The following PDE10A variants were observed in gnomAD, a reference collection of about 807,000 sequenced individuals.
PDE10A encodes the protein phosphodiesterase 10A.
Under a neutral mutation model 97.7 loss-of-function variants are expected in PDE10A, and 39 were observed. The ratio of observed to expected loss-of-function variants is 0.40; its 90% CI spans 0.31 to 0.52. The LOEUF is 0.52. PDE10A is among the 20% of genes least tolerant of loss of function. The pLI is 0.56. For missense variants in PDE10A, 731 were observed against 1,047.8 expected, an observed-to-expected ratio of 0.70 and a Z score of 4.17; for synonymous variants, 371 against 376.8, an observed-to-expected ratio of 0.98 and a Z score of 0.18.
At chr6:165,943,344 A>AG (rs368837759) in intron 1 of PDE10A, among the ~76,000 whole-genome samples, 2,155 of 53,748 alleles carry the variant, frequency 0.04, 300 homozygotes, top group South Asian at 0.09. Flanking sequence ...AAAGAAAGAA[A>AG]AGAGAAAGAA....
chr6:165,917,750 A>G (rs1782647116), intron 1 of PDE10A, among the ~76,000 whole-genome samples: 2 of 152,130 alleles, frequency 1.3e-5, no homozygotes, highest in Admixed American at 1.3e-4. Flanking sequence ...GGCTTTCCCC[A>G]ACGCCCCCTG....
chr6:165,361,257 T>C lies in PDE10A; in HGVS notation c.2784-17755A>G, dbSNP rs539952607. Among the ~76,000 whole-genome samples, 39 of 152,290 alleles carry C rather than the reference T, an allele frequency of 2.6e-4. No individual in the cohort carries two copies. The South Asian group carries it at 8.1e-3, about 32-fold the overall frequency. ...ACCAAACACCACAGAATATATATTC[T>C]TTTTGAGTACAGATGGAACATCCCC... On this transcript the variant is annotated intron_variant, in intron 18 of 21. Transcript: ENST00000539869.
At chr6:165,942,661 G>T (rs981269483) in intron 1 of PDE10A, among the ~76,000 whole-genome samples, 1 of 152,070 alleles carries the variant, frequency 6.6e-6, no homozygotes, top group Non-Finnish European at 1.5e-5. Context: ...AATCCCACTG[G>T]ACCTCTTCTT....
chr6:165,933,988 CTTTTT>C (rs35582422), intron 1 of PDE10A, among the ~76,000 whole-genome samples: 1 of 140,286 alleles, frequency 7.1e-6, no homozygotes, highest in African/African-American at 2.6e-5. Context: ...CATCAATTCC[CTTTTT>C]TTTTTTTTTT....
intron 1 of PDE10A, among the ~76,000 whole-genome samples, chr6:165,627,051 T>C (rs1213270129): frequency 6.6e-6 from 1 of 152,252 alleles, no homozygotes; most frequent in African/African-American, 2.4e-5. Context: ...CTGTCCTTTC[T>C]GACAGGCAGG....
chr6:165,568,208 A>T (rs564652264), intron 1 of PDE10A, among the ~76,000 whole-genome samples: 5 of 151,700 alleles, frequency 3.3e-5, no homozygotes, highest in Admixed American at 6.6e-5. Flanking sequence ...ACCATGTTAG[A>T]CACGATGGTC....
At chr6:165,883,437 G>C (rs1781541679) in intron 1 of PDE10A, among the ~76,000 whole-genome samples, 1 of 151,954 alleles carries the variant, frequency 6.6e-6, no homozygotes, top group Non-Finnish European at 1.5e-5. Flanking sequence ...AGCTACTCAG[G>C]AGGCTGAGGG....
rs1478953000 is a variant in PDE10A at position 165,438,254 on chromosome 6, T to G, written c.1195-2877A>C. Among the ~76,000 whole-genome samples, 3 of 152,120 alleles carry G rather than the reference T, an allele frequency of 2.0e-5. No individual in the cohort carries two copies. In the East Asian group the frequency reaches 5.8e-4, roughly 29 times the overall value. On this transcript the variant is annotated intron_variant, in intron 5 of 21. Coordinates refer to ENST00000539869, the MANE Select transcript of PDE10A (RefSeq NM_001385079.1). ...CCCAGGCTGGAGTGCAATGGTGCAA[T>G]CTTGGCTCACTGCAACCTCCGCCTC...
At chr6:165,905,475 C>G (rs1306286738) in intron 1 of PDE10A, among the ~76,000 whole-genome samples, 1 of 152,010 alleles carries the variant, frequency 6.6e-6, no homozygotes, top group Non-Finnish European at 1.5e-5. Flanking sequence ...ATTAATTTCA[C>G]TAACAAACAC....
chr6:165,528,226 ATGCCACGTGAG>A (rs142868791), intron 2 of PDE10A, among the ~76,000 whole-genome samples: 7,853 of 152,258 alleles, frequency 0.052, 324 homozygotes, highest in East Asian at 0.2. Context: ...AGATATTTGT[ATGCCACGTGAG>A]TGCTCACCAA....
At chr6:165,563,571 C>A (rs1784630163) in intron 1 of PDE10A, among the ~76,000 whole-genome samples, 1 of 152,110 alleles carries the variant, frequency 6.6e-6, no homozygotes, top group African/African-American at 2.4e-5. Flanking sequence ...ATAATATATG[C>A]AAAAGACATA....
At chr6:165,372,374 G>A (rs1406517348) in intron 18 of PDE10A, among the ~76,000 whole-genome samples, 1 of 148,826 alleles carries the variant, frequency 6.7e-6, no homozygotes, top group Non-Finnish European at 1.5e-5. Context: ...AGCAACTTCA[G>A]CAAAGTCTCA....
At chr6:165,354,062 G>T (rs1318759012) in intron 18 of PDE10A, among the ~76,000 whole-genome samples, 3 of 152,078 alleles carry the variant, frequency 2.0e-5, no homozygotes, top group Admixed American at 2.0e-4. Flanking sequence ...ATGTAAAAAA[G>T]AATTATAGTT....
chr6:165,884,541 TC>T (rs1218577617), intron 1 of PDE10A, among the ~76,000 whole-genome samples: 3 of 152,084 alleles, frequency 2.0e-5, no homozygotes, highest in Non-Finnish European at 4.4e-5. Context: ...CACACCTGTC[TC>T]CCCCCTGAAA....
intron 1 of PDE10A, among the ~76,000 whole-genome samples, chr6:165,740,199 T>A (rs549700161): frequency 6.6e-6 from 1 of 152,072 alleles, no homozygotes; most frequent in Non-Finnish European, 1.5e-5. Flanking sequence ...AGCTGTCATA[T>A]GAAATGAACC....
intron 3 of PDE10A, among the ~76,000 whole-genome samples, chr6:165,451,183 C>T (rs1791265440): frequency 6.6e-6 from 1 of 152,272 alleles, no homozygotes; most frequent in African/African-American, 2.4e-5. Context: ...ACTGCAGCCA[C>T]TGTCCCCACA....
At chr6:165,631,314 T>A (rs1788617985) in intron 1 of PDE10A, among the ~76,000 whole-genome samples, 1 of 152,232 alleles carries the variant, frequency 6.6e-6, no homozygotes, top group South Asian at 2.1e-4. Flanking sequence ...CACACACGTA[T>A]GTATACAACA....
At chr6:165,725,212 C>T (rs573885405) in intron 1 of PDE10A, among the ~76,000 whole-genome samples, 23 of 152,272 alleles carry the variant, frequency 1.5e-4, no homozygotes, top group Admixed American at 5.2e-4. Context: ...ATGTGTGATC[C>T]GATTTTTCTG....
chr6:165,420,084 C>T (rs1788589438), intron 10 of PDE10A, among the ~76,000 whole-genome samples: 2 of 152,198 alleles, frequency 1.3e-5, no homozygotes, highest in South Asian at 4.1e-4. Context: ...CTCCCTTAGC[C>T]TGTGAGCTAC....
Sources: allele counts gnomAD v4.1 joint callset (sites outside exome capture counted in the v4.1 genomes callset), GRCh38; gene constraint gnomAD v4.1.1; transcripts MANE v1.5; gene names NCBI Gene and HGNC (gene_info 2026-07-23, HGNC 2026-07-21).